The following NHSL2 variants were observed in gnomAD, a reference collection of about 807,000 sequenced individuals.
NHSL2 encodes the protein NHS like 2, also known as NHS-like protein 2.
Under a neutral mutation model 53.4 loss-of-function variants are expected in NHSL2, and 27 were observed. That is an observed-to-expected ratio of 0.51 (90% CI 0.37 to 0.70). NHSL2 has a LOEUF of 0.70. NHSL2 is among the 30% of genes least tolerant of loss of function. The pLI is 0.00. For missense variants in NHSL2, 892 were observed against 980.1 expected, an observed-to-expected ratio of 0.91 and a Z score of 1.20; for synonymous variants, 408 against 404.1, an observed-to-expected ratio of 1.01 and a Z score of -0.12.
intron 1 of NHSL2, among the ~76,000 whole-genome samples, chrX:72,018,226 G>C (rs2042143421): frequency 9.0e-6 from 1 of 111,213 alleles, no homozygotes; most frequent in African/African-American, 3.3e-5. Flanking sequence ...GAGGTTAGGG[G>C]GACCATGCAG....
intron 1 of NHSL2, among the ~76,000 whole-genome samples, chrX:72,006,916 C>T (rs1047406149): frequency 3.6e-5 from 4 of 112,524 alleles, no homozygotes; most frequent in African/African-American, 6.5e-5. Flanking sequence ...GACCATGACT[C>T]GTTTTGCTCT....
Position 72,144,253 on chromosome X carries a change from GC to G in NHSL2, c.*686del, listed in dbSNP as rs755604405. On this transcript the variant is annotated 3_prime_UTR_variant, in exon 8 of 8. Coordinates refer to ENST00000633930, the MANE Select transcript of NHSL2 (RefSeq NM_001013627.3). ...GATAAGTTTCAATAAACATATAGAC[GC>G]CCCCCCACCCACCCCCATTAGCTAG... 4.2e-5 allele frequency: 4 copies of G among 94,629 alleles called. No individual in the cohort carries two copies. Among genetic ancestry groups the G allele is most frequent in the South Asian group, 9.8e-4 (2 of 2,039 alleles). The allele number at this position is 94,629 out of a possible 1,213,427, so 7.8% of individuals were successfully genotyped here.
At chrX:71,915,325 C>T (rs753595714) in intron 1 of NHSL2, among the ~76,000 whole-genome samples, 2 of 111,401 alleles carry the variant, frequency 1.8e-5, no homozygotes, top group African/African-American at 6.5e-5. Flanking sequence ...ATATTTACAT[C>T]ATCTGTTCCT....
At chrX:71,919,337 G>A (rs1039268563) in intron 1 of NHSL2, among the ~76,000 whole-genome samples, 2 of 111,567 alleles carry the variant, frequency 1.8e-5, no homozygotes, top group African/African-American at 6.5e-5. Flanking sequence ...CCAGTTCACA[G>A]GGTTGTTGTG....
chrX:72,019,427 A>T (rs2042149946), intron 1 of NHSL2, among the ~76,000 whole-genome samples: 1 of 112,600 alleles, frequency 8.9e-6, no homozygotes. Flanking sequence ...CCCGACACGT[A>T]GGTAAACACT....
rs752851219 is a variant in NHSL2, at chrX:72,129,944, G to A, written c.281-2135G>A. ...CGTTGTCCTAAACGACCTGTGCGGC[G>A]AATCAGTTGGGGGGAGCTGTAGAAT... On this transcript the variant is annotated intron_variant, in intron 1 of 7. Coordinates refer to ENST00000633930, the MANE Select transcript of NHSL2 (RefSeq NM_001013627.3). The A allele has an allele frequency of 7.4e-6, 9 of 1,209,437 alleles. No homozygotes were observed. In the African/African-American group the frequency reaches 1.1e-4, roughly 14 times the overall value.
At chrX:72,051,661 C>G (rs1347477646) in intron 1 of NHSL2, among the ~76,000 whole-genome samples, 2 of 111,864 alleles carry the variant, frequency 1.8e-5, no homozygotes, top group Non-Finnish European at 3.8e-5. Flanking sequence ...ACTCCTCTGG[C>G]TGGAATTTAA....
chrX:72,107,275 T>TTAAA (rs940852512), intron 1 of NHSL2, among the ~76,000 whole-genome samples: 53 of 110,168 alleles, frequency 4.8e-4, no homozygotes, highest in Middle Eastern at 4.7e-3. Flanking sequence ...TACAAAAAAA[T>TTAAA]TAAATAAATA....
intron 1 of NHSL2, among the ~76,000 whole-genome samples, chrX:71,938,688 G>C (rs928412012): frequency 8.8e-6 from 1 of 113,014 alleles, no homozygotes; most frequent in Non-Finnish European, 1.9e-5. Context: ...AGTGATAATT[G>C]AAATTCACAT....
intron 1 of NHSL2, among the ~76,000 whole-genome samples, chrX:72,084,379 G>A (rs945706868): frequency 8.9e-6 from 1 of 112,060 alleles, no homozygotes; most frequent in Non-Finnish European, 1.9e-5. Context: ...AGTTTATTGG[G>A]GTACTGCTAG....
chrX:72,019,653 G>A (rs1231912810), intron 1 of NHSL2, among the ~76,000 whole-genome samples: 3 of 111,883 alleles, frequency 2.7e-5, no homozygotes, highest in Non-Finnish European at 5.6e-5. Flanking sequence ...AGTCTTGAAG[G>A]AAGGGTTGGG....
At chrX:71,948,853 T>TA in intron 1 of NHSL2, among the ~76,000 whole-genome samples, 1 of 105,272 alleles carries the variant, frequency 9.5e-6, no homozygotes, top group South Asian at 4.3e-4. Context: ...GTAGTTTTGT[T>TA]TTTTTTTTTT....
chrX:71,957,360 G>A (rs774352152), intron 1 of NHSL2, among the ~76,000 whole-genome samples: 70 of 112,336 alleles, frequency 6.2e-4, no homozygotes, highest in African/African-American at 1.9e-3. Context: ...TCCGCCTCCC[G>A]GGTTCACGCC....
intron 1 of NHSL2, among the ~76,000 whole-genome samples, chrX:72,106,634 T>TA (rs2042043009): frequency 8.9e-6 from 1 of 111,789 alleles, no homozygotes; most frequent in Non-Finnish European, 1.9e-5. Flanking sequence ...CAGAGGATTA[T>TA]AAATCATGCT....
intron 1 of NHSL2, among the ~76,000 whole-genome samples, chrX:72,103,529 T>C (rs2042013000): frequency 9.1e-6 from 1 of 110,489 alleles, no homozygotes; most frequent in African/African-American, 3.3e-5. Context: ...AAGGTAAGAG[T>C]AGAGCTGGAT....
intron 1 of NHSL2, among the ~76,000 whole-genome samples, chrX:71,965,026 G>A (rs955366366): frequency 4.5e-5 from 5 of 111,575 alleles, no homozygotes; most frequent in Admixed American, 9.5e-5. Context: ...AGTGTAGGAG[G>A]TATATGGAAA....
intron 1 of NHSL2, chrX:72,044,962 A>G (rs2042297541): frequency 1.8e-6 from 1 of 556,292 alleles, no homozygotes; most frequent in South Asian, 2.6e-5. Flanking sequence ...TTGTACTTAA[A>G]AAAAAAAAAA....
At chrX:71,995,076 G>A (rs1481619922) in intron 1 of NHSL2, among the ~76,000 whole-genome samples, 1 of 111,922 alleles carries the variant, frequency 8.9e-6, no homozygotes, top group Non-Finnish European at 1.9e-5. Context: ...CTTTCCAATT[G>A]CTCAAGACCC....
intron 1 of NHSL2, among the ~76,000 whole-genome samples, chrX:72,064,383 A>T (rs1257779407): frequency 8.9e-6 from 1 of 112,251 alleles, no homozygotes; most frequent in Non-Finnish European, 1.9e-5. Context: ...ACAGGCTTGG[A>T]GTCAGCCTAA....
Sources: gnomAD v4.1 joint callset for allele counts (sites outside exome capture counted in the v4.1 genomes callset) on GRCh38, gnomAD v4.1.1 for gene constraint, MANE v1.5 for transcripts, NCBI Gene and HGNC (gene_info 2026-07-23, HGNC 2026-07-21) for gene names.